The following TIAM1 variants were observed in gnomAD, a reference collection of about 807,000 sequenced individuals.
TIAM1 encodes the protein TIAM Rac1 associated GEF 1.
Under a neutral mutation model 163.5 loss-of-function variants are expected in TIAM1, and 65 were observed. The ratio of observed to expected loss-of-function variants is 0.40; its 90% CI spans 0.33 to 0.49. TIAM1 has a LOEUF of 0.49. Among genes scored for constraint, TIAM1 ranks in the 20% least tolerant of loss-of-function variants. TIAM1 has a pLI of 0.77. For missense variants in TIAM1, 1,789 were observed against 2,044.7 expected, an observed-to-expected ratio of 0.87 and a Z score of 2.41; for synonymous variants, 833 against 810.1, an observed-to-expected ratio of 1.03 and a Z score of -0.48.
At chr21:31,272,756 AT>A (rs2073118760) in intron 3 of TIAM1, among the ~76,000 whole-genome samples, 1 of 152,172 alleles carries the variant, frequency 6.6e-6, no homozygotes, top group Non-Finnish European at 1.5e-5. Context: ...ATCCCCTTTT[AT>A]TTTTAGCTGA....
chr21:31,402,882 G>A (rs1376008703), intron 2 of TIAM1, among the ~76,000 whole-genome samples: 2 of 152,078 alleles, frequency 1.3e-5, no homozygotes, highest in African/African-American at 4.8e-5. Flanking sequence ...AACCTGGGAG[G>A]CAGAGCTTGC....
intron 9 of TIAM1, among the ~76,000 whole-genome samples, chr21:31,215,589 A>AAAAAAAG (rs1555893145): frequency 1.6e-4 from 23 of 147,554 alleles, no homozygotes; most frequent in African/African-American, 5.8e-4. Flanking sequence ...AAAAAAAAAA[A>AAAAAAAG]GAAGAGAAAT....
At chr21:31,197,311 T>A (rs1227367503) in intron 12 of TIAM1, among the ~76,000 whole-genome samples, 1 of 152,074 alleles carries the variant, frequency 6.6e-6, no homozygotes, top group African/African-American at 2.4e-5. Flanking sequence ...AAAGTCAAGA[T>A]AAGAATGATG....
At chr21:31,270,061 AC>A (rs1424814233) in intron 3 of TIAM1, among the ~76,000 whole-genome samples, 2 of 152,012 alleles carry the variant, frequency 1.3e-5, no homozygotes, top group East Asian at 3.8e-4. Context: ...ATCTTACTTA[AC>A]CCTTTTTATT....
chr21:31,302,608 G>A (rs1385810821), intron 2 of TIAM1, among the ~76,000 whole-genome samples: 5 of 152,078 alleles, frequency 3.3e-5, no homozygotes, highest in South Asian at 2.1e-4. Flanking sequence ...AACTCCAAAC[G>A]CACAACACTA....
chr21:31,125,476 C>T lies in TIAM1; in HGVS notation c.4134-782G>A, dbSNP rs187173595. Among the ~76,000 whole-genome samples the T allele has an allele frequency of 2.0e-3, 299 of 152,340 alleles. 1 individual carries two copies. Among genetic ancestry groups the T allele is most frequent in the Non-Finnish European group, 3.1e-3 (209 of 68,036 alleles). ...TTCACTTATAGTCCTGACAGCTTCC[C>T]GGGGATCTGCCTTTTGTTGACCTCT... On this transcript the variant is annotated intron_variant, in intron 26 of 27. Coordinates refer to ENST00000541036, the MANE Select transcript of TIAM1 (RefSeq NM_001353694.2).
chr21:31,151,087 C>T (rs2083349382), intron 19 of TIAM1, among the ~76,000 whole-genome samples: 1 of 152,184 alleles, frequency 6.6e-6, no homozygotes, highest in African/African-American at 2.4e-5. Flanking sequence ...GTGACTGTGA[C>T]CTCAGCAGAA....
Position 31,245,665 on chromosome 21 carries a change from G to C in TIAM1, c.1412-5C>G. 6.4e-7 allele frequency: 1 copy of C among 1,567,308 alleles called. No individual in the cohort carries two copies. On this transcript the variant is annotated splice_region_variant and splice_polypyrimidine_tract_variant and intron_variant, in intron 5 of 27. Transcript: ENST00000541036. ...CGTAGAAAAATAGCGTGCATCCTGA[G>C]GAAACAGAACAGGGGTGTGCATGAG...
intron 15 of TIAM1, among the ~76,000 whole-genome samples, chr21:31,170,472 T>C (rs2084448527): frequency 6.6e-6 from 1 of 152,212 alleles, no homozygotes; most frequent in South Asian, 2.1e-4. Context: ...AACATTTTTC[T>C]TGGAACTAAA....
intron 15 of TIAM1, among the ~76,000 whole-genome samples, chr21:31,175,623 G>A (rs1296665882): frequency 1.3e-5 from 2 of 151,850 alleles, no homozygotes; most frequent in Non-Finnish European, 2.9e-5. Flanking sequence ...TTTTGAGACG[G>A]AGTCTCCCTC....
At chr21:31,196,706 T>G (rs919593441) in intron 12 of TIAM1, among the ~76,000 whole-genome samples, 2 of 152,104 alleles carry the variant, frequency 1.3e-5, no homozygotes, top group African/African-American at 4.8e-5. Flanking sequence ...TCAAAGAACT[T>G]AGAACTACCG....
rs576314358 is a variant in TIAM1 at position 31,438,521 on chromosome 21, T to C, written c.-369+25462A>G. ...TGTGATCTTTTCCATGAGCTGACAG[T>C]CTGTGCTGTGTTTGTCAAATAGGGC... On this transcript the variant is annotated intron_variant, in intron 2 of 28. Coordinates refer to the TIAM1 transcript ENST00000286827. Among the ~76,000 whole-genome samples the C allele has an allele frequency of 3.9e-5, 6 of 152,182 alleles. No homozygotes were observed. In the South Asian group the frequency reaches 1.2e-3, roughly 32 times the overall value.
intron 2 of TIAM1, among the ~76,000 whole-genome samples, chr21:31,312,329 T>C (rs991506420): frequency 7.2e-5 from 11 of 152,182 alleles, no homozygotes; most frequent in African/African-American, 1.4e-4. Context: ...TTCCTAATAA[T>C]GACCCCCTCC....
intron 1 of TIAM1, among the ~76,000 whole-genome samples, chr21:31,496,072 C>A (rs2147433708): frequency 6.6e-6 from 1 of 151,964 alleles, no homozygotes; most frequent in East Asian, 1.9e-4. Flanking sequence ...CTGGCCTGCT[C>A]CTGTGTAGGC....
At chr21:31,268,845 A>G (rs1380651509) in intron 3 of TIAM1, among the ~76,000 whole-genome samples, 1 of 152,226 alleles carries the variant, frequency 6.6e-6, no homozygotes, top group Non-Finnish European at 1.5e-5. Flanking sequence ...AAAGGCTTTG[A>G]CCAATGCCTT....
chr21:31,437,283 A>T (rs1270787581), intron 2 of TIAM1, among the ~76,000 whole-genome samples: 1 of 152,040 alleles, frequency 6.6e-6, no homozygotes, highest in Non-Finnish European at 1.5e-5. Context: ...AATCCTAAGG[A>T]TTGCTTGAGC....
At chr21:31,521,778 A>ACACACAC (rs56988265) in intron 1 of TIAM1, among the ~76,000 whole-genome samples, 1 of 151,064 alleles carries the variant, frequency 6.6e-6, no homozygotes, top group African/African-American at 2.4e-5. Context: ...ACACACACAC[A>ACACACAC]AAGTAAAGGA....
chr21:31,374,356 C>A (rs1438827939), intron 2 of TIAM1, among the ~76,000 whole-genome samples: 2 of 152,182 alleles, frequency 1.3e-5, no homozygotes, highest in Non-Finnish European at 2.9e-5. Context: ...GTAGCTTTGA[C>A]AATTTCTTCC....
chr21:31,553,728 G>A (rs1197921104), intron 1 of TIAM1, among the ~76,000 whole-genome samples: 1 of 152,104 alleles, frequency 6.6e-6, no homozygotes, highest in Non-Finnish European at 1.5e-5. Flanking sequence ...GCTCAGAGGA[G>A]AGGTTTTGCA....
Sources: allele counts gnomAD v4.1 joint callset (sites outside exome capture counted in the v4.1 genomes callset), GRCh38; gene constraint gnomAD v4.1.1; transcripts MANE v1.5; gene names NCBI Gene and HGNC (gene_info 2026-07-23, HGNC 2026-07-21).